The following EPRS1 variants were observed in gnomAD, a reference collection of about 807,000 sequenced individuals.
EPRS1 encodes the protein glutamyl-prolyl-tRNA synthetase 1, also known as bifunctional glutamate/proline--tRNA ligase.
Under a neutral mutation model 188.3 loss-of-function variants are expected in EPRS1, and 107 were observed. That is an observed-to-expected ratio of 0.57 (90% CI 0.49 to 0.67). The LOEUF is 0.67. Among genes scored for constraint, EPRS1 ranks in the 30% least tolerant of loss-of-function variants. EPRS1 has a pLI of 0.00. For missense variants in EPRS1, 1,577 were observed against 1,802.2 expected (o/e 0.88, Z 2.26); for synonymous variants, 596 against 593.1 (o/e 1.00, Z -0.07).
intron 6 of EPRS1, among the ~76,000 whole-genome samples, chr1:220,026,718 G>A (rs1374920252): frequency 6.6e-6 from 1 of 151,128 alleles, no homozygotes; most frequent in Non-Finnish European, 1.5e-5. Context: ...TTTTAGTAGA[G>A]ACGGGGTTTC....
At chr1:220,044,583 G>A (rs548007634) in intron 1 of EPRS1, among the ~76,000 whole-genome samples, 4 of 150,872 alleles carry the variant, frequency 2.7e-5, no homozygotes, top group East Asian at 2.0e-4. Context: ...AAAATTAGGC[G>A]GGCATGGTGG....
intron 30 of EPRS1, among the ~76,000 whole-genome samples, chr1:219,970,364 G>T (rs183253178): frequency 3.9e-4 from 59 of 152,278 alleles, no homozygotes; most frequent in Non-Finnish European, 6.8e-4. Context: ...ACAGCAACAT[G>T]CTTCCAGCTT....
chr1:220,014,123 T>C (rs1661656080), intron 12 of EPRS1, among the ~76,000 whole-genome samples: 1 of 152,032 alleles, frequency 6.6e-6, no homozygotes, highest in Non-Finnish European at 1.5e-5. Context: ...AGGTCAGGAG[T>C]TCGGGACCAG....
At chr1:219,994,521 A>G (rs565253126) in intron 18 of EPRS1, among the ~76,000 whole-genome samples, 8 of 152,282 alleles carry the variant, frequency 5.3e-5, no homozygotes, top group African/African-American at 1.9e-4. Context: ...TTTAAAAAGA[A>G]AAGACAAAAT....
At chr1:219,981,506 C>T (rs1381152545) in intron 23 of EPRS1, 49 bp from the exon 24 acceptor site, 1 of 1,192,202 alleles carries the variant, frequency 8.4e-7, no homozygotes, top group Non-Finnish European at 1.2e-6. Context: ...TTTATTTCTC[C>T]TTTAGGGATG....
chr1:220,030,966 C>A (rs1662072572), intron 5 of EPRS1, among the ~76,000 whole-genome samples: 1 of 151,994 alleles, frequency 6.6e-6, no homozygotes, highest in African/African-American at 2.4e-5. Flanking sequence ...GCGGCGTGCA[C>A]CTGTAGTCCC....
intron 2 of EPRS1, among the ~76,000 whole-genome samples, chr1:220,037,824 CAG>C (rs1662216130): frequency 6.6e-6 from 1 of 152,042 alleles, no homozygotes; most frequent in Non-Finnish European, 1.5e-5. Context: ...CAGAAAGTTT[CAG>C]AAGAAAATTA....
At chr1:220,019,600 A>C (rs1661822214) in intron 10 of EPRS1, among the ~76,000 whole-genome samples, 1 of 152,220 alleles carries the variant, frequency 6.6e-6, no homozygotes, top group African/African-American at 2.4e-5. Context: ...TTACATCTTC[A>C]CTTCGATTCA....
chr1:220,002,015 T>C (rs2647426), intron 16 of EPRS1, among the ~76,000 whole-genome samples: 120,982 of 150,374 alleles, frequency 0.8, 48,693 homozygotes, highest in East Asian at 0.93. Context: ...CGTGACAGAG[T>C]GAGATTCTGT....
chr1:219,987,360 T>G lies in EPRS1; in HGVS notation c.2820A>C (p.Ala940=), dbSNP rs559443226. 4.3e-6 allele frequency: 7 copies of G among 1,612,070 alleles called. No individual in the cohort carries two copies. In the South Asian group the frequency reaches 6.6e-5, roughly 15 times the overall value. The change falls in exon 20 of 32, where the codon GCA becomes GCC. Residue 940 remains alanine (A), a synonymous_variant. Coordinates refer to ENST00000366923, the MANE Select transcript of EPRS1 (RefSeq NM_004446.3). Reference sequence around the variant, plus strand: ...CTACTCCTATCAAAGACTTGTACTGTGCCTTTAGCTGAAGGAGTTCTTGAA... The same window carrying G: ...CTACTCCTATCAAAGACTTGTACTGGGCCTTTAGCTGAAGGAGTTCTTGAA... ...IAVQELLQLK[A]QYKSLIGVEY...
At chr1:219,969,222 G>T (rs1334462392) in intron 30 of EPRS1, 100 bp from the exon 31 acceptor site, 1 of 845,242 alleles carries the variant, frequency 1.2e-6, no homozygotes, top group Non-Finnish European at 1.9e-6. Context: ...AAGCAAAAAG[G>T]ATAGGTCTCC....
At chr1:220,001,297 A>G (rs748262755) in intron 16 of EPRS1, 42 bp from the exon 17 acceptor site, 24 of 1,145,066 alleles carry the variant, frequency 2.1e-5, no homozygotes, top group Non-Finnish European at 3.2e-5. Flanking sequence ...ATTTGAACAA[A>G]ATTATCTGAA....
chr1:220,034,867 A>G (rs1331989782), intron 3 of EPRS1, 47 bp downstream of exon 3: 1 of 1,053,940 alleles, frequency 9.5e-7, no homozygotes, highest in Non-Finnish European at 1.5e-6. Flanking sequence ...CCATAAAAAA[A>G]CAGAAGCATA....
At chr1:219,984,362 ATGAGT>A (rs1460834001) in intron 20 of EPRS1, 105 bp from the exon 21 acceptor site, 4 of 778,522 alleles carry the variant, frequency 5.1e-6, no homozygotes, top group Admixed American at 4.2e-5. Context: ...TTTCTTCAGT[ATGAGT>A]TATTTCTGTA....
intron 13 of EPRS1, among the ~76,000 whole-genome samples, chr1:220,008,691 AT>A (rs1160727325): frequency 1.3e-5 from 2 of 152,172 alleles, no homozygotes; most frequent in Admixed American, 1.3e-4. Context: ...TAGTAATTTA[AT>A]TTTTTAAATT....
chr1:219,986,476 A>G (rs544070393), intron 20 of EPRS1, among the ~76,000 whole-genome samples: 65 of 152,290 alleles, frequency 4.3e-4, no homozygotes, highest in African/African-American at 1.3e-3. Flanking sequence ...GTTTCCATAC[A>G]TGCTCCATTA....
chr1:219,973,942 T>A (rs1660724868), intron 28 of EPRS1, among the ~76,000 whole-genome samples: 1 of 152,018 alleles, frequency 6.6e-6, no homozygotes, highest in African/African-American at 2.4e-5. Flanking sequence ...GACCTGAGAA[T>A]TTGTTTTTTT....
chr1:220,006,856 GATT>G (rs1449668566), intron 14 of EPRS1, among the ~76,000 whole-genome samples: 1 of 152,126 alleles, frequency 6.6e-6, no homozygotes, highest in African/African-American at 2.4e-5. Context: ...TTAGTAAAAA[GATT>G]ATGTTATACA....
Position 220,044,698 on chromosome 1 carries a change from A to T in EPRS1, c.46+1645T>A, listed in dbSNP as rs1474135858. On this transcript the variant is annotated intron_variant, in intron 1 of 31. Transcript: ENST00000366923. Reference sequence around the variant, plus strand: ...TCGGTCTCCAAAAAAAAAAAAAAAAAAAAAAAAAAAAAAAACAGTATCAGG... The same window carrying T: ...TCGGTCTCCAAAAAAAAAAAAAAAATAAAAAAAAAAAAAAACAGTATCAGG... Among the ~76,000 whole-genome samples, 7 of 114,146 alleles carry T rather than the reference A, an allele frequency of 6.1e-5. 1 individual carries two copies. The highest frequency in any genetic ancestry group is 1.8e-4 in the Admixed American group (2 of 10,870). The allele number at this position is 114,146 out of a possible 152,430, so 74.9% of individuals were successfully genotyped here.
Sources: gnomAD v4.1 joint callset for allele counts (sites outside exome capture counted in the v4.1 genomes callset) on GRCh38, gnomAD v4.1.1 for gene constraint, MANE v1.5 for transcripts, NCBI Gene and HGNC (gene_info 2026-07-23, HGNC 2026-07-21) for gene names.